Variants in PHACTR2 observed in about 807,000 individuals in gnomAD.
PHACTR2 encodes the protein phosphatase and actin regulator 2.
Under a neutral mutation model 76.0 loss-of-function variants are expected in PHACTR2, and 30 were observed. The observed-to-expected ratio is 0.39, with a 90% CI of 0.30 to 0.54. The LOEUF (loss-of-function observed/expected upper bound fraction) is 0.54. Ranked by LOEUF, PHACTR2 falls within the 20% of genes least tolerant of loss-of-function variation. The pLI, the probability that PHACTR2 is intolerant of heterozygous loss-of-function variation, is 0.61. For synonymous variants in PHACTR2, 292 were observed against 292.5 expected, an observed-to-expected ratio of 1.00 and a Z score of 0.02; for missense variants, 696 against 781.1, an observed-to-expected ratio of 0.89 and a Z score of 1.30.
At chr6:143,666,897 C>T (rs1445880030) in intron 1 of PHACTR2, among the ~76,000 whole-genome samples, 1 of 152,184 alleles carries the variant, frequency 6.6e-6, no homozygotes, top group Non-Finnish European at 1.5e-5. Context: ...TCCCATTTGT[C>T]AATTTTGGCT....
In PHACTR2 at chr6:143,795,985, T is replaced by A. The variant is rs117998671; in HGVS notation, c.1845+7075T>A. On this transcript the variant is annotated intron_variant, in intron 11 of 12. Coordinates refer to ENST00000440869, the MANE Select transcript of PHACTR2 (RefSeq NM_001100164.2). This position sits in a 1 kb window ranked among gnomAD's most constrained non-coding sequence, Gnocchi z 4.8. ...AAAGAGAGTGTAGAATTTTTTCAGA[T>A]GAGATGTGCTTTTGTCCAACAGGTC... 6.6e-6 allele frequency among the ~76,000 whole-genome samples: 1 copy of A among 152,316 alleles called. No homozygotes were observed. Among genetic ancestry groups the A allele is most frequent in the Non-Finnish European group, 1.5e-5 (1 of 68,024 alleles).
intron 1 of PHACTR2, among the ~76,000 whole-genome samples, chr6:143,551,816 G>C (rs554723456): frequency 7.9e-5 from 12 of 152,296 alleles, no homozygotes; most frequent in East Asian, 3.9e-4. Flanking sequence ...CTGTAGAAGA[G>C]AGAAATGTAA....
chr6:143,631,491 G>T (rs1403995718), intron 1 of PHACTR2, among the ~76,000 whole-genome samples: 1 of 152,112 alleles, frequency 6.6e-6, no homozygotes, highest in Admixed American at 6.5e-5. Context: ...ACTGAGCCTG[G>T]CCAGGCAAGC....
rs899266320 is a variant in PHACTR2 at position 143,548,931 on chromosome 6, A to C, written c.217+11724A>C. ...AGAATGAGGCATGTTCCTAGGGAAC[A>C]ACAAGATAAGAATAGGAAGGATGAT... On this transcript the variant is annotated intron_variant, in intron 1 of 11. Transcript: ENST00000367584. This position sits in a 1 kb window ranked among gnomAD's most constrained non-coding sequence, Gnocchi z 4.5. Among the ~76,000 whole-genome samples, 3 of 152,056 alleles carry C rather than the reference A, an allele frequency of 2.0e-5. No homozygotes were observed. The highest frequency in any genetic ancestry group is 7.2e-5 in the African/African-American group (3 of 41,432).
intron 2 of PHACTR2, among the ~76,000 whole-genome samples, chr6:143,745,950 G>A (rs1369151191): frequency 6.6e-6 from 1 of 152,210 alleles, no homozygotes; most frequent in Non-Finnish European, 1.5e-5. Context: ...AGTTTACAAG[G>A]AAGAAAGGGG....
chr6:143,715,403 T>C (rs1242360427), intron 2 of PHACTR2, among the ~76,000 whole-genome samples: 1 of 152,204 alleles, frequency 6.6e-6, no homozygotes, highest in Non-Finnish European at 1.5e-5. Flanking sequence ...TTCTTTCCTA[T>C]ACCCACATCC....
At position 143,823,779 on chromosome 6, in the gene PHACTR2, TG is replaced by T. The variant is rs1379200350; in HGVS notation, c.*91del. 38 of 1,056,412 alleles carry T rather than the reference TG, an allele frequency of 3.6e-5. 1 individual carries two copies. In the East Asian group the frequency reaches 9.0e-4, roughly 25 times the overall value. 65.4% of individuals were successfully genotyped at this position (1,056,412 alleles called of 1,614,324 possible). ...ACCTGATATTGCACTGGGATTTGAA[TG>T]TGTGTGTTTCCGTTTAACTTGTGGT... On this transcript the variant is annotated 3_prime_UTR_variant, in exon 13 of 13. Transcript: ENST00000440869. The surrounding 1 kb of genome is among the most constrained non-coding windows in gnomAD (Gnocchi z 5.7).
chr6:143,723,723 A>T (rs553143031), intron 2 of PHACTR2, among the ~76,000 whole-genome samples: 121 of 152,088 alleles, frequency 8.0e-4, no homozygotes, highest in Non-Finnish European at 1.3e-3. Flanking sequence ...GAGAAGCAAG[A>T]CACTGGGTCG....
intron 1 of PHACTR2, among the ~76,000 whole-genome samples, chr6:143,587,550 C>A (rs9496684): frequency 0.7 from 106,684 of 151,848 alleles, 37,861 homozygotes; most frequent in Middle Eastern, 0.8. Flanking sequence ...ATTCTTGGGG[C>A]AAGTGGAATG....
intron 2 of PHACTR2, among the ~76,000 whole-genome samples, chr6:143,746,645 C>G (rs1779072892): frequency 6.6e-6 from 1 of 152,108 alleles, no homozygotes; most frequent in Non-Finnish European, 1.5e-5. Flanking sequence ...TTTTACAATC[C>G]GTAGGAGGCT....
At chr6:143,735,346 A>T (rs190568355) in intron 2 of PHACTR2, among the ~76,000 whole-genome samples, 53 of 152,360 alleles carry the variant, frequency 3.5e-4, no homozygotes, top group African/African-American at 1.3e-3. Flanking sequence ...AAAACTGATT[A>T]TGCATTATCG....
chr6:143,790,645 T>C (rs575860398), intron 11 of PHACTR2, among the ~76,000 whole-genome samples: 5 of 152,066 alleles, frequency 3.3e-5, no homozygotes, highest in Non-Finnish European at 7.4e-5. Context: ...ATTCCAGTTA[T>C]GTATGTTGCA....
Position 143,689,419 on chromosome 6 carries a change from A to G in PHACTR2, c.46+11210A>G, listed in dbSNP as rs9321933. Among the ~76,000 whole-genome samples, 81,195 of 152,070 alleles carry G rather than the reference A, an allele frequency of 0.53. 22,222 individuals carry two copies. Among genetic ancestry groups the G allele is most frequent in the African/African-American group, 0.68 (27,997 of 41,474 alleles). ...ATAGCTCTGTTTGGCCAGGTCATACATTAGTAGAGTAGTGGGAACTGAGTA... is the reference window on the plus strand; with the variant it reads ...ATAGCTCTGTTTGGCCAGGTCATACGTTAGTAGAGTAGTGGGAACTGAGTA... On this transcript the variant is annotated intron_variant, in intron 1 of 12. Transcript: ENST00000440869. The surrounding 1 kb of genome is among the most constrained non-coding windows in gnomAD (Gnocchi z 4.4).
rs1386898861 is a variant in PHACTR2, at chr6:143,708,413, A to G, written c.47-3603A>G. ...AAGTGTGAAAAGGTAAGTTCTGATG[A>G]ATGACAAGTTACTCTTAGTAACATA... On this transcript the variant is annotated intron_variant, in intron 1 of 12. Transcript: ENST00000440869. This position sits in a 1 kb window ranked among gnomAD's most constrained non-coding sequence, Gnocchi z 5.5. 3.9e-5 allele frequency among the ~76,000 whole-genome samples: 6 copies of G among 152,212 alleles called. No homozygotes were observed. The highest frequency in any genetic ancestry group is 1.4e-4 in the African/African-American group (6 of 41,452).
Position 143,621,721 on chromosome 6 carries a change from T to C in PHACTR2, c.13+13399T>C, listed in dbSNP as rs932504082. On this transcript the variant is annotated intron_variant, in intron 1 of 11. Coordinates refer to the PHACTR2 transcript ENST00000305766. This position sits in a 1 kb window ranked among gnomAD's most constrained non-coding sequence, Gnocchi z 4.1. ...ACTTTCCTCATCTGTAGTTTAGGGT[T>C]GATTGTACTTGGCTTGAGTAGTAAG... is the stretch of plus-strand genomic sequence containing the variant. 1.3e-5 allele frequency among the ~76,000 whole-genome samples: 2 copies of C among 152,172 alleles called. No individual in the cohort carries two copies. The highest frequency in any genetic ancestry group is 2.4e-5 in the African/African-American group (1 of 41,426).
In PHACTR2 at chr6:143,539,727, T is replaced by G. The variant is rs1463837478; in HGVS notation, c.217+2520T>G. The stretch of plus-strand genomic sequence containing the variant: ...CCGGACCAGCATCTGTGGCCTCATC[T>G]CAGAATCTCAGGCCCCACCCTAGGC... On this transcript the variant is annotated intron_variant, in intron 1 of 11. Coordinates refer to the PHACTR2 transcript ENST00000367584. This position sits in a 1 kb window ranked among gnomAD's most constrained non-coding sequence, Gnocchi z 4.3. Among the ~76,000 whole-genome samples the G allele has an allele frequency of 6.6e-6, 1 of 152,160 alleles. No homozygotes were observed. The highest frequency in any genetic ancestry group is 1.5e-5 in the Non-Finnish European group (1 of 68,028).
chr6:143,650,727 T>A (rs1222323286), intron 1 of PHACTR2, among the ~76,000 whole-genome samples: 1 of 151,922 alleles, frequency 6.6e-6, no homozygotes, highest in Non-Finnish European at 1.5e-5. Context: ...ACTATAAAAA[T>A]CCTAGAAGAA....
chr6:143,660,121 G>C (rs889473769), intron 1 of PHACTR2, among the ~76,000 whole-genome samples: 3 of 152,084 alleles, frequency 2.0e-5, no homozygotes, highest in African/African-American at 7.2e-5. Flanking sequence ...TAGCAGTAAA[G>C]CTGCTCTCCA....
At chr6:143,540,997 T>A (rs1242767102) in intron 1 of PHACTR2, among the ~76,000 whole-genome samples, 6 of 152,226 alleles carry the variant, frequency 3.9e-5, no homozygotes, top group Non-Finnish European at 7.3e-5. Context: ...ACAACCATAG[T>A]GCACTGCAGC....
Sources: allele counts gnomAD v4.1 joint callset (sites outside exome capture counted in the v4.1 genomes callset), GRCh38; gene constraint gnomAD v4.1.1; non-coding constraint Gnocchi (gnomAD v3.1); transcripts MANE v1.5; gene names NCBI Gene and HGNC (gene_info 2026-07-23, HGNC 2026-07-21).